Variants in ESCO2 observed in about 807,000 individuals in gnomAD.
ESCO2 encodes establishment of sister chromatid cohesion N-acetyltransferase 2, also known as N-acetyltransferase ESCO2.
Under a neutral mutation model 61.7 loss-of-function variants are expected in ESCO2, and 51 were observed. The observed-to-expected ratio is 0.83, with a 90% CI of 0.66 to 1.04. The LOEUF (loss-of-function observed/expected upper bound fraction) is 1.04, where lower values mean the gene tolerates loss of function less well. Ranked by LOEUF, ESCO2 falls within the 50% of genes least tolerant of loss-of-function variation. ESCO2 has a pLI of 0.00. For missense variants in ESCO2, 692 were observed against 686.2 expected (o/e 1.01, Z -0.09); for synonymous variants, 230 against 238.2 (o/e 0.97, Z 0.32).
At chr8:27,792,151 G>A (rs1274819213) in intron 8 of ESCO2, 99 bp downstream of exon 8, 1 of 1,085,458 alleles carries the variant, frequency 9.2e-7, no homozygotes, top group South Asian at 1.3e-5. Context: ...TAATTCACTT[G>A]GGTACCTGCT....
At chr8:27,784,171 AG>A in intron 5 of ESCO2, 114 bp downstream of exon 5, 1 of 857,524 alleles carries the variant, frequency 1.2e-6, no homozygotes, top group East Asian at 2.7e-5. Flanking sequence ...TTCCTCACTA[AG>A]GGGAATAGGA....
chr8:27,804,066 G>C lies in ESCO2; in HGVS notation c.*628G>C. ...CTCTATACAGAGTCTTCACTTGATAGGCACTCGTCTGTAGTAACTCAGTTT... is the reference window on the plus strand; with the variant it reads ...CTCTATACAGAGTCTTCACTTGATACGCACTCGTCTGTAGTAACTCAGTTT... On this transcript the variant is annotated 3_prime_UTR_variant, in exon 11 of 11. Coordinates refer to ENST00000305188, the MANE Select transcript of ESCO2 (RefSeq NM_001017420.3). 3.0e-6 allele frequency: 3 copies of C among 985,406 alleles called. No homozygotes were observed. The highest frequency in any genetic ancestry group is 3.6e-6 in the Non-Finnish European group (3 of 830,010). 61.0% of individuals were successfully genotyped at this position (985,406 alleles called of 1,614,324 possible).
chr8:27,777,943 A>G (rs1804835973), intron 3 of ESCO2: 1 of 148,416 alleles, frequency 6.7e-6, no homozygotes, highest in Non-Finnish European at 1.5e-5. Context: ...CTCAAATTCA[A>G]CCCCAGTCCA....
At chr8:27,788,023 G>A (rs1215513372) in intron 6 of ESCO2, 21 bp downstream of exon 6, 2 of 1,563,520 alleles carry the variant, frequency 1.3e-6, no homozygotes, top group Admixed American at 1.7e-5. Context: ...TCCAAACAAA[G>A]CTTCTCCTAT....
In ESCO2 at chr8:27,792,098, G is replaced by A. The variant is rs754600648; in HGVS notation, c.1353+46G>A. On this transcript the variant is annotated intron_variant, in intron 8 of 10. Coordinates refer to ENST00000305188, the MANE Select transcript of ESCO2 (RefSeq NM_001017420.3). ...ATCTCTTGCCTTTCCCCACCCCCAA[G>A]AAATCAACCTATGTTGAAGTGCAAA... 5.0e-6 allele frequency: 8 copies of A among 1,591,400 alleles called. No individual in the cohort carries two copies. The South Asian group carries it at 8.8e-5, about 18-fold the overall frequency.
In ESCO2 at chr8:27,788,628, A is replaced by G. The variant is rs4732753; in HGVS notation, c.1132-219A>G. Among the ~76,000 whole-genome samples the G allele has an allele frequency of 0.15, 23,436 of 151,904 alleles. 2,282 individuals are homozygous for G. Among genetic ancestry groups the G allele is most frequent in the East Asian group, 0.37 (1,888 of 5,154 alleles). On this transcript the variant is annotated intron_variant, in intron 6 of 10. Transcript: ENST00000305188. Reference sequence around the variant, plus strand: ...CCCACCTCAGCCTCCCAAAGTGCCGAGATTACAGGCGTGAGCCACTGTGCC... The same window carrying G: ...CCCACCTCAGCCTCCCAAAGTGCCGGGATTACAGGCGTGAGCCACTGTGCC...
At position 27,804,499 on chromosome 8, in the gene ESCO2, C is replaced by T. The variant is rs1195180356; in HGVS notation, c.*1061C>T. The T allele has an allele frequency of 6.1e-6, 6 of 985,176 alleles. No homozygotes were observed. Among genetic ancestry groups the T allele is most frequent in the Non-Finnish European group, 7.2e-6 (6 of 829,914 alleles). The allele number at this position is 985,176 out of a possible 1,614,324, so 61.0% of individuals were successfully genotyped here. ...ATACATAGGCTGGTGGATGAGAGAC[C>T]ATGGAACTGTGTAAATACACTTAAA... On this transcript the variant is annotated 3_prime_UTR_variant, in exon 11 of 11. Coordinates refer to ENST00000305188, the MANE Select transcript of ESCO2 (RefSeq NM_001017420.3).
rs1805510196 is a variant in ESCO2 at position 27,803,956 on chromosome 8, G to C, written c.*518G>C. Reference sequence around the variant, plus strand: ...GGGTCTCACTGTGTTGCCCAGGCTGGTCTGAAACTTTTGGGCTCAAGCGAT... The same window carrying C: ...GGGTCTCACTGTGTTGCCCAGGCTGCTCTGAAACTTTTGGGCTCAAGCGAT... On this transcript the variant is annotated 3_prime_UTR_variant, in exon 11 of 11. Coordinates refer to ENST00000305188, the MANE Select transcript of ESCO2 (RefSeq NM_001017420.3). The C allele has an allele frequency of 1.0e-6, 1 of 986,970 alleles. No homozygotes were observed. The highest frequency in any genetic ancestry group is 6.1e-5 in the Admixed American group (1 of 16,438). The allele number at this position is 986,970 out of a possible 1,614,324, so 61.1% of individuals were successfully genotyped here.
chr8:27,803,549 TACACACACACACAC>T lies in ESCO2; in HGVS notation c.*116_*129del. The T allele has an allele frequency of 7.6e-7, 1 of 1,323,224 alleles. No homozygotes were observed. Among genetic ancestry groups the T allele is most frequent in the Non-Finnish European group, 9.9e-7 (1 of 1,005,832 alleles). 82.0% of individuals were successfully genotyped at this position (1,323,224 alleles called of 1,614,324 possible). A position where few individuals can be genotyped will look rare whatever the true frequency, so the allele number is the denominator to read the frequency against. The stretch of plus-strand genomic sequence containing the variant: ...TAAAAAATACCGAGACTCACACTCA[TACACACACACACAC>T]ACACGCACACACACATATCACAGTT... On this transcript the variant is annotated 3_prime_UTR_variant, in exon 11 of 11. Transcript: ENST00000305188.
chr8:27,810,625 C>T (rs1020407859), downstream of ESCO2: 22 of 627,148 alleles, frequency 3.5e-5, no homozygotes, highest in Non-Finnish European at 5.5e-5. Context: ...CTGCCACAGA[C>T]AGAATGGAAA....
downstream of ESCO2, among the ~76,000 whole-genome samples, chr8:27,806,224 C>G (rs1418642317): frequency 1.3e-5 from 2 of 152,156 alleles, no homozygotes; most frequent in African/African-American, 2.4e-5. Context: ...AGAAGACATG[C>G]ACAGAAACAT....
Position 27,780,274 on chromosome 8 carries a change from G to C in ESCO2, c.955+7G>C. On this transcript the variant is annotated splice_region_variant and intron_variant, in intron 4 of 10. Transcript: ENST00000305188. ...CTTGGTGAGAATAAGACAAGTAAGA[G>C]AAAACTCGCATGAATTTAGCTGCTT... 6.5e-7 allele frequency: 1 copy of C among 1,539,262 alleles called. No individual in the cohort carries two copies. The highest frequency in any genetic ancestry group is 9.0e-7 in the Non-Finnish European group (1 of 1,112,352).
At chr8:27,801,257 T>G (rs768905948) in intron 10 of ESCO2, among the ~76,000 whole-genome samples, 4 of 152,322 alleles carry the variant, frequency 2.6e-5, no homozygotes, top group Admixed American at 6.5e-5. Context: ...ACACTTGCTC[T>G]CTCAATTTCT....
downstream of ESCO2, among the ~76,000 whole-genome samples, chr8:27,814,598 G>C (rs990311472): frequency 2.2e-4 from 33 of 151,992 alleles, no homozygotes; most frequent in Non-Finnish European, 4.4e-5. Context: ...AATGAACATA[G>C]GTCATTGATT....
chr8:27,791,625 C>A (rs1339297639), intron 7 of ESCO2, among the ~76,000 whole-genome samples: 1 of 152,080 alleles, frequency 6.6e-6, no homozygotes, highest in Non-Finnish European at 1.5e-5. Context: ...CCCTCCCCTA[C>A]CTGCCCACTG....
rs117080460 is a variant in ESCO2 at position 27,799,815 on chromosome 8, T to A, written c.1673+99T>A. 4.4e-3 allele frequency: 6,126 copies of A among 1,386,126 alleles called. 59 individuals are homozygous for A. The highest frequency in any genetic ancestry group is 3.8e-3 in the Non-Finnish European group (3,733 of 979,544). 85.9% of individuals were successfully genotyped at this position (1,386,126 alleles called of 1,614,324 possible). On this transcript the variant is annotated intron_variant, in intron 10 of 10. Transcript: ENST00000305188. ...AAAGGGAAGGATATTGGTAAGATAC[T>A]TCAGTATAAATACTATTAAAGTCAG...
chr8:27,789,854 T>C (rs1464496688), intron 7 of ESCO2, among the ~76,000 whole-genome samples: 3 of 151,570 alleles, frequency 2.0e-5, no homozygotes, highest in South Asian at 2.1e-4. Context: ...AAAGAAAAAG[T>C]TCCCACCAGA....
In ESCO2 at chr8:27,791,959, G is replaced by T; in HGVS notation, c.1264-4G>T. Reference sequence around the variant, plus strand: ...ACTGTGACCCTTTTGTTTTCCTTTGGCAGGGTTGGAAGAAAGAACGTGTAG... The same window carrying T: ...ACTGTGACCCTTTTGTTTTCCTTTGTCAGGGTTGGAAGAAAGAACGTGTAG... On this transcript the variant is annotated splice_polypyrimidine_tract_variant and splice_region_variant and intron_variant, in intron 7 of 10. Coordinates refer to ENST00000305188, the MANE Select transcript of ESCO2 (RefSeq NM_001017420.3). 1 of 1,613,216 alleles carries T rather than the reference G, an allele frequency of 6.2e-7. No individual in the cohort carries two copies. Among genetic ancestry groups the T allele is most frequent in the Non-Finnish European group, 8.5e-7 (1 of 1,179,718 alleles).
the ESCO2 span, among the ~76,000 whole-genome samples, chr8:27,818,413 C>T: frequency 2.6e-5 from 4 of 152,298 alleles, no homozygotes; most frequent in South Asian, 8.3e-4. Flanking sequence ...ACAAGATATA[C>T]AAGGTTCCCT....
Sources: gnomAD v4.1 joint callset for allele counts (sites outside exome capture counted in the v4.1 genomes callset) on GRCh38, gnomAD v4.1.1 for gene constraint, MANE v1.5 for transcripts, NCBI Gene and HGNC (gene_info 2026-07-23, HGNC 2026-07-21) for gene names.